ATP13A5: variants seen among roughly 807,000 people sequenced by gnomAD.
ATP13A5 encodes probable cation-transporting ATPase 13A5.
ATP13A5 carries 149 observed loss-of-function variants against 150.2 expected under a neutral mutation model. That is an observed-to-expected ratio of 0.99 (90% confidence interval 0.87 to 1.14). The LOEUF is 1.14. Among genes scored for constraint, ATP13A5 ranks in the 50% most tolerant of loss-of-function variants. The pLI is 0.00. For synonymous variants in ATP13A5, 497 were observed against 522.2 expected, an observed-to-expected ratio of 0.95 and a Z score of 0.66; for missense variants, 1,383 against 1,449.3, an observed-to-expected ratio of 0.95 and a Z score of 0.74.
chr3:193,300,381 C>T (rs964371705), intron 24 of ATP13A5, among the ~76,000 whole-genome samples: 5 of 152,104 alleles, frequency 3.3e-5, no homozygotes, highest in African/African-American at 1.2e-4. Flanking sequence ...GGATGAAGAA[C>T]TTGAATCCAG....
Position 193,362,650 on chromosome 3 carries a change from A to G in ATP13A5, c.385-13T>C. On this transcript the variant is annotated splice_polypyrimidine_tract_variant and intron_variant, in intron 3 of 29. Coordinates refer to ENST00000342358, the MANE Select transcript of ATP13A5 (RefSeq NM_198505.4). Reference sequence around the variant, plus strand: ...CCATGCACCGCAGCTACGATTGCAAATGTGATAGAGCAGGTGTCATTCACA... The same window carrying G: ...CCATGCACCGCAGCTACGATTGCAAGTGTGATAGAGCAGGTGTCATTCACA... The G allele has an allele frequency of 1.2e-6, 2 of 1,613,586 alleles. No homozygotes were observed. The highest frequency in any genetic ancestry group is 1.1e-5 in the South Asian group (1 of 91,076).
chr3:193,298,678 T>C lies in ATP13A5; in HGVS notation c.2848+453A>G, dbSNP rs373321630. On this transcript the variant is annotated intron_variant, in intron 25 of 29. Transcript: ENST00000342358. The stretch of plus-strand genomic sequence containing the variant: ...CATCTCAAAGGAAGGACATGAGCAA[T>C]AGCTGCTGTTGGAAGCCACACCTTG... Among the ~76,000 whole-genome samples the C allele has an allele frequency of 9.9e-5, 15 of 152,244 alleles. No individual in the cohort carries two copies. In the South Asian group the frequency reaches 2.9e-3, roughly 29 times the overall value.
chr3:193,363,422 A>G, intron 2 of ATP13A5, 40 bp from the exon 3 acceptor site: 1 of 1,585,676 alleles, frequency 6.3e-7, no homozygotes. Flanking sequence ...CTCAAGTGTT[A>G]TTCAGTAAGG....
chr3:193,374,777 G>A (rs1713582843), intron 1 of ATP13A5, among the ~76,000 whole-genome samples: 1 of 152,164 alleles, frequency 6.6e-6, no homozygotes, highest in Non-Finnish European at 1.5e-5. Flanking sequence ...TTCTTGCGCT[G>A]GGAGGTGGGG....
In ATP13A5 at chr3:193,353,630, T is replaced by C. The variant is rs148043682; in HGVS notation, c.606+497A>G. ...GGTCATGAAGGTAGAGATCCCACGA[T>C]GGGATTAGTGTCCTTGTAGGAAGAG... On this transcript the variant is annotated intron_variant, in intron 6 of 29. Transcript: ENST00000342358. 9.4e-4 allele frequency among the ~76,000 whole-genome samples: 143 copies of C among 152,224 alleles called. 1 individual carries two copies. Among genetic ancestry groups the C allele is most frequent in the African/African-American group, 3.3e-3 (136 of 41,538 alleles).
At position 193,274,837 on chromosome 3, in the gene ATP13A5, G is replaced by T; in HGVS notation, c.*205C>A. On this transcript the variant is annotated 3_prime_UTR_variant, in exon 30 of 30. Coordinates refer to ENST00000342358, the MANE Select transcript of ATP13A5 (RefSeq NM_198505.4). The stretch of plus-strand genomic sequence containing the variant: ...TATTGAAAAGGATGATACAGGAAAT[G>T]CATTTTTTTCTCTCATTGGTAAAGC... 2 of 648,066 alleles carry T rather than the reference G, an allele frequency of 3.1e-6. No homozygotes were observed. The highest frequency in any genetic ancestry group is 5.2e-6 in the Non-Finnish European group (2 of 381,326). The allele number at this position is 648,066 out of a possible 1,614,324, so 40.1% of individuals were successfully genotyped here. A position where few individuals can be genotyped will look rare whatever the true frequency, so the allele number is the denominator to read the frequency against.
At chr3:193,335,462 A>G (rs1711817704) in intron 9 of ATP13A5, among the ~76,000 whole-genome samples, 1 of 152,108 alleles carries the variant, frequency 6.6e-6, no homozygotes, top group South Asian at 2.1e-4. Context: ...AGTAATTACT[A>G]TTTGCTTTGC....
At chr3:193,373,490 C>G (rs940060671) in intron 1 of ATP13A5, among the ~76,000 whole-genome samples, 23 of 151,850 alleles carry the variant, frequency 1.5e-4, no homozygotes, top group African/African-American at 5.3e-4. Flanking sequence ...TACTTGTTTT[C>G]TCAATGATAG....
At position 193,344,029 on chromosome 3, in the gene ATP13A5, A is replaced by C. The variant is rs761850353; in HGVS notation, c.841T>G (p.Leu281Val). 1 of 1,613,286 alleles carries C rather than the reference A, an allele frequency of 6.2e-7. No individual in the cohort carries two copies. The highest frequency in any genetic ancestry group is 8.5e-7 in the Non-Finnish European group (1 of 1,179,530). ...KGLEELESRL[L>V]VPGDILILPG... ...AGAATAAGAATGTCTCCGGGAACCAAGAGACGGGATTCCAGCTCCTCCAAA... is the reference window on the plus strand; with the variant it reads ...AGAATAAGAATGTCTCCGGGAACCACGAGACGGGATTCCAGCTCCTCCAAA... The change falls in exon 9 of 30, where the codon TTG becomes GTG. Residue 281 changes from leucine to valine, a missense_variant. Around this residue, in one of 3 missense-constraint regions of ATP13A5, gnomAD observed 787 missense variants for 771.9 expected, o/e 1.02. Transcript: ENST00000342358.
chr3:193,318,313 T>C (rs1432508866), intron 17 of ATP13A5, among the ~76,000 whole-genome samples: 2 of 152,210 alleles, frequency 1.3e-5, no homozygotes, highest in African/African-American at 4.8e-5. Context: ...AATAAATAGA[T>C]TTTCTGCTAT....
intron 9 of ATP13A5, among the ~76,000 whole-genome samples, chr3:193,337,569 T>C (rs946048715): frequency 6.6e-6 from 1 of 152,222 alleles, no homozygotes; most frequent in Admixed American, 6.5e-5. Flanking sequence ...CTGAGGGCTC[T>C]GTTCTTTTCC....
At chr3:193,333,125 C>T (rs1411631084) in intron 11 of ATP13A5, among the ~76,000 whole-genome samples, 1 of 150,964 alleles carries the variant, frequency 6.6e-6, no homozygotes, top group African/African-American at 2.4e-5. Context: ...ATTCACTGCC[C>T]ACCTCTCTCT....
At chr3:193,332,717 G>A (rs747374809) in intron 11 of ATP13A5, among the ~76,000 whole-genome samples, 12 of 152,078 alleles carry the variant, frequency 7.9e-5, no homozygotes, top group Non-Finnish European at 1.6e-4. Context: ...CTTGTCTAGC[G>A]CTGAACCAGT....
Position 193,274,795 on chromosome 3 carries a change from G to C in ATP13A5, c.*247C>G. The C allele has an allele frequency of 1.8e-6, 1 of 553,962 alleles. No individual in the cohort carries two copies. Among genetic ancestry groups the C allele is most frequent in the Non-Finnish European group, 3.1e-6 (1 of 318,686 alleles). 34.3% of individuals were successfully genotyped at this position (553,962 alleles called of 1,614,324 possible). On this transcript the variant is annotated 3_prime_UTR_variant, in exon 30 of 30. Coordinates refer to ENST00000342358, the MANE Select transcript of ATP13A5 (RefSeq NM_198505.4). ...CTCATTTTAAACAAAATAATGCTAT[G>C]CAAAATGAATACAGTTTATTGAAAA...
chr3:193,324,973 GGCACAGCC>G lies in ATP13A5; in HGVS notation c.1557_1564del (p.Gln519HisfsTer33). On this transcript the variant is annotated frameshift_variant, in exon 14 of 30. Coordinates refer to ENST00000342358, the MANE Select transcript of ATP13A5 (RefSeq NM_198505.4). LOFTEE classifies it high-confidence loss of function. The stretch of plus-strand genomic sequence containing the variant: ...CATGGCCGCACACAGTGGGCTCCAT[GGCACAGCC>G]TGGCCTGAGGCAAAGCTGTGGGCTT... 6.2e-7 allele frequency: 1 copy of G among 1,613,976 alleles called. No individual in the cohort carries two copies. Among genetic ancestry groups the G allele is most frequent in the Middle Eastern group, 1.7e-4 (1 of 6,034 alleles).
intron 23 of ATP13A5, 131 bp downstream of exon 23, chr3:193,305,428 G>A (rs1718573468): frequency 1.3e-6 from 1 of 771,720 alleles, no homozygotes. Context: ...CCCCTTCATT[G>A]GTTCTCCAAT....
chr3:193,344,350 C>T lies in ATP13A5; in HGVS notation c.815-295G>A, dbSNP rs1233099582. Among the ~76,000 whole-genome samples, 3 of 152,164 alleles carry T rather than the reference C, an allele frequency of 2.0e-5. No homozygotes were observed. The East Asian group carries it at 5.8e-4, about 29-fold the overall frequency. On this transcript the variant is annotated intron_variant, in intron 8 of 29. Coordinates refer to ENST00000342358, the MANE Select transcript of ATP13A5 (RefSeq NM_198505.4). Reference sequence around the variant, plus strand: ...CTGGGCAAAGCAGAAGTGCAGCTTCCTGCTGTTTGCTCTCGTCCGGGTTTC... The same window carrying T: ...CTGGGCAAAGCAGAAGTGCAGCTTCTTGCTGTTTGCTCTCGTCCGGGTTTC...
intron 29 of ATP13A5, among the ~76,000 whole-genome samples, chr3:193,275,883 ATTT>A (rs1262918050): frequency 2.0e-5 from 3 of 152,154 alleles, no homozygotes; most frequent in Non-Finnish European, 4.4e-5. Context: ...AAAAATTTTT[ATTT>A]TATTATGGGA....
chr3:193,370,633 A>G (rs1286852570), intron 1 of ATP13A5, among the ~76,000 whole-genome samples: 2 of 152,214 alleles, frequency 1.3e-5, no homozygotes, highest in Non-Finnish European at 2.9e-5. Context: ...GGTTATTGTT[A>G]GAAACTAATA....
Sources: allele counts gnomAD v4.1 joint callset (sites outside exome capture counted in the v4.1 genomes callset), GRCh38; gene constraint gnomAD v4.1.1; regional missense constraint gnomAD v4.1.1; transcripts MANE v1.5; gene names NCBI Gene and HGNC (gene_info 2026-07-23, HGNC 2026-07-21).